Variants in CLEC4A observed in about 807,000 individuals in gnomAD.
The protein encoded by CLEC4A is C-type (calcium dependent, carbohydrate-recognition domain) lectin, superfamily member 6.
Under a neutral mutation model 32.7 loss-of-function variants are expected in CLEC4A, and 27 were observed. That is an observed-to-expected ratio of 0.83 (90% CI 0.61 to 1.14). CLEC4A has a LOEUF of 1.14. Ranked by LOEUF, CLEC4A falls within the 50% of genes most tolerant of loss-of-function variation. The pLI is 0.00. For missense variants in CLEC4A, 253 were observed against 274.6 expected (o/e 0.92, Z 0.55); for synonymous variants, 89 against 93.7 (o/e 0.95, Z 0.29).
chr12:8,130,297 C>G (rs1159051994), intron 3 of CLEC4A, among the ~76,000 whole-genome samples: 1 of 151,872 alleles, frequency 6.6e-6, no homozygotes, highest in South Asian at 2.1e-4. Flanking sequence ...CAGTTAAAAC[C>G]ATGTGATGAA....
the CLEC4A span, among the ~76,000 whole-genome samples, chr12:8,117,056 A>T: frequency 6.6e-6 from 1 of 152,158 alleles, no homozygotes; most frequent in African/African-American, 2.4e-5. Context: ...TACAAGCAAT[A>T]AAGAATTCTT....
In CLEC4A at chr12:8,123,978, G is replaced by T. The variant is rs1315603690; in HGVS notation, c.82+18G>T. 6.6e-7 allele frequency: 1 copy of T among 1,523,654 alleles called. No homozygotes were observed. The highest frequency in any genetic ancestry group is 2.2e-5 in the East Asian group (1 of 44,480). The allele number at this position is 1,523,654 out of a possible 1,614,324, so 94.4% of individuals were successfully genotyped here. A position where few individuals can be genotyped will look rare whatever the true frequency, so the allele number is the denominator to read the frequency against. ...TTCTGCAGGTAAAGATCATTTTCTA[G>T]GGGTCAGAGTGAATGACGAGGTGAA... On this transcript the variant is annotated intron_variant, in intron 1 of 5. Coordinates refer to ENST00000229332, the MANE Select transcript of CLEC4A (RefSeq NM_016184.4).
intron 3 of CLEC4A, among the ~76,000 whole-genome samples, chr12:8,130,297 C>T (rs1159051994): frequency 1.3e-5 from 2 of 151,872 alleles, no homozygotes; most frequent in African/African-American, 4.8e-5. Context: ...CAGTTAAAAC[C>T]ATGTGATGAA....
At chr12:8,117,946 G>A in the CLEC4A span, among the ~76,000 whole-genome samples, 5 of 152,110 alleles carry the variant, frequency 3.3e-5, no homozygotes, top group African/African-American at 7.2e-5. Flanking sequence ...CAAGGTTGAG[G>A]GCATGCCCAG....
At chr12:8,128,653 TC>T (rs1947941579) in intron 2 of CLEC4A, among the ~76,000 whole-genome samples, 1 of 152,088 alleles carries the variant, frequency 6.6e-6, no homozygotes, top group African/African-American at 2.4e-5. Flanking sequence ...TGCCTCGACC[TC>T]CCAAAGTGCT....
the CLEC4A span, among the ~76,000 whole-genome samples, chr12:8,109,150 G>T: frequency 2.6e-5 from 4 of 152,166 alleles, no homozygotes; most frequent in African/African-American, 9.6e-5. Context: ...AGAAAGAAAT[G>T]AAGACTGGAT....
the CLEC4A span, among the ~76,000 whole-genome samples, chr12:8,108,155 C>G: frequency 1.1e-4 from 16 of 152,158 alleles, no homozygotes; most frequent in African/African-American, 3.6e-4. Context: ...AAAAGTCACT[C>G]AGGAGCAGGT....
the CLEC4A span, among the ~76,000 whole-genome samples, chr12:8,105,647 G>A: frequency 6.6e-6 from 1 of 152,082 alleles, no homozygotes; most frequent in African/African-American, 2.4e-5. Flanking sequence ...ACCGTGCCCG[G>A]CTGATGTTGA....
intron 2 of CLEC4A, 76 bp downstream of exon 2, chr12:8,125,753 GA>G (rs1465391449): frequency 3.9e-5 from 32 of 813,160 alleles, no homozygotes; most frequent in Non-Finnish European, 5.5e-5. Flanking sequence ...ACTGACTTTT[GA>G]AAATGAGCTT....
rs1948163061 is a variant in CLEC4A, at chr12:8,138,310, G to A, written c.*23G>A. 6 of 1,613,674 alleles carry A rather than the reference G, an allele frequency of 3.7e-6. No individual in the cohort carries two copies. In the South Asian group the frequency reaches 4.4e-5, roughly 12 times the overall value. On this transcript the variant is annotated 3_prime_UTR_variant, in exon 6 of 6. Transcript: ENST00000229332. ...TGAACTGAACATTCTCCATGAACAG[G>A]TGGTTGGATTGGTATCTGTCATTGT...
chr12:8,121,581 GAGA>G (rs1947830895), upstream of CLEC4A: 1 of 152,526 alleles, frequency 6.6e-6, no homozygotes, highest in African/African-American at 2.4e-5. Context: ...CAAGCAGAGT[GAGA>G]AGAACATCCC....
At chr12:8,130,090 C>T (rs2120595118) in intron 3 of CLEC4A, among the ~76,000 whole-genome samples, 1 of 152,256 alleles carries the variant, frequency 6.6e-6, no homozygotes, top group East Asian at 1.9e-4. Flanking sequence ...GCTGTCTCAG[C>T]TTCTTGAAGG....
At chr12:8,113,661 C>A in the CLEC4A span, among the ~76,000 whole-genome samples, 1 of 152,214 alleles carries the variant, frequency 6.6e-6, no homozygotes, top group African/African-American at 2.4e-5. Context: ...AATCTGCTCA[C>A]CTTTCAGATT....
chr12:8,135,634 C>T lies in CLEC4A; in HGVS notation c.348C>T (p.Asn116=). The T allele has an allele frequency of 6.2e-7, 1 of 1,614,138 alleles. No individual in the cohort carries two copies. The highest frequency in any genetic ancestry group is 8.5e-7 in the Non-Finnish European group (1 of 1,179,950). ...AGAATTGGAAGTCATTTAGTTCCAA[C>T]TGCTACTTTATTTCTACTGAATCAG... ...CPKNWKSFSS[N]CYFISTESAS... The change falls in exon 4 of 6, where the codon AAC becomes AAT. Residue 116 remains asparagine (N), a synonymous_variant. Transcript: ENST00000229332.
chr12:8,130,508 A>G (rs1282980615), intron 3 of CLEC4A, among the ~76,000 whole-genome samples: 1 of 151,806 alleles, frequency 6.6e-6, no homozygotes, highest in Non-Finnish European at 1.5e-5. Flanking sequence ...AGTAGCTGGG[A>G]TCAAAGGTGC....
At chr12:8,104,576 T>A in the CLEC4A span, among the ~76,000 whole-genome samples, 1 of 152,228 alleles carries the variant, frequency 6.6e-6, no homozygotes, top group Admixed American at 6.5e-5. Flanking sequence ...TCTTTCTTTT[T>A]TTAAAAAACT....
chr12:8,138,238 G>T lies in CLEC4A; in HGVS notation c.665G>T (p.Cys222Phe), dbSNP rs749867010. 3 of 1,614,134 alleles carry T rather than the reference G, an allele frequency of 1.9e-6. No homozygotes were observed. The East Asian group carries it at 6.7e-5, about 36-fold the overall frequency. Residue 222 changes from cysteine to phenylalanine, a missense_variant, in exon 6 of 6, where the codon TGT becomes TTT. By Grantham distance (205) the Cys-to-Phe change is radical (BLOSUM62 -2). Coordinates refer to ENST00000229332, the MANE Select transcript of CLEC4A (RefSeq NM_016184.4). ...PKRWGWNDVN[C>F]LGPQRSVCEM... ...AGATGGGGCTGGAATGATGTTAATTGTCTTGGTCCTCAAAGGTCAGTTTGT... is the reference window on the plus strand; with the variant it reads ...AGATGGGGCTGGAATGATGTTAATTTTCTTGGTCCTCAAAGGTCAGTTTGT...
At chr12:8,131,740 G>C (rs978978764) in intron 3 of CLEC4A, among the ~76,000 whole-genome samples, 6 of 151,624 alleles carry the variant, frequency 4.0e-5, no homozygotes, top group African/African-American at 2.4e-5. Flanking sequence ...ATTTTGTCCA[G>C]GTGATATTTG....
intron 3 of CLEC4A, among the ~76,000 whole-genome samples, chr12:8,130,585 G>A (rs1947980329): frequency 6.6e-6 from 1 of 151,892 alleles, no homozygotes; most frequent in Non-Finnish European, 1.5e-5. Context: ...GTCTTGCCAT[G>A]TTGCCAGGCT....
Sources: gnomAD v4.1 joint callset for allele counts (sites outside exome capture counted in the v4.1 genomes callset) on GRCh38, gnomAD v4.1.1 for gene constraint, MANE v1.5 for transcripts, NCBI Gene and HGNC (gene_info 2026-07-23, HGNC 2026-07-21) for gene names.